ME1: variants seen among roughly 807,000 people sequenced by gnomAD.
ME1 encodes malic enzyme 1.
Under a neutral mutation model 66.4 loss-of-function variants are expected in ME1, and 74 were observed. The ratio of observed to expected loss-of-function variants is 1.11; its 90% CI spans 0.92 to 1.35. The LOEUF (loss-of-function observed/expected upper bound fraction) is 1.35, where lower values mean the gene tolerates loss of function less well. ME1 is among the 40% of genes most tolerant of loss of function. The pLI is 0.00. For missense variants in ME1, 750 were observed against 694.1 expected (o/e 1.08, Z -0.90); for synonymous variants, 251 against 235.6 (o/e 1.07, Z -0.60).
chr6:83,368,371 T>C (rs1442078027), intron 3 of ME1, among the ~76,000 whole-genome samples: 1 of 138,394 alleles, frequency 7.2e-6, no homozygotes, highest in African/African-American at 2.5e-5. Context: ...CTTCAATTTA[T>C]AAAAAACAAA....
chr6:83,326,787 G>T (rs1165056389), intron 5 of ME1, among the ~76,000 whole-genome samples: 1 of 152,160 alleles, frequency 6.6e-6, no homozygotes, highest in Non-Finnish European at 1.5e-5. Context: ...ACTGTTGGTG[G>T]GAGTGTAAAT....
chr6:83,278,356 T>C (rs529392174), intron 6 of ME1, among the ~76,000 whole-genome samples: 89 of 152,224 alleles, frequency 5.8e-4, no homozygotes, highest in Non-Finnish European at 1.1e-3. Flanking sequence ...AGGAGCTTCA[T>C]TAGGTTTTGA....
intron 5 of ME1, among the ~76,000 whole-genome samples, chr6:83,342,551 C>G (rs1768607297): frequency 6.6e-6 from 1 of 152,116 alleles, no homozygotes; most frequent in Non-Finnish European, 1.5e-5. Context: ...AGCAGATATT[C>G]AATACTTTTT....
chr6:83,215,272 G>A (rs745422409), intron 13 of ME1, among the ~76,000 whole-genome samples: 10 of 152,170 alleles, frequency 6.6e-5, no homozygotes, highest in Non-Finnish European at 1.3e-4. Flanking sequence ...TGGCCCCCAA[G>A]GGGATACTTG....
rs188696350 is a variant in ME1 at position 83,295,455 on chromosome 6, A to T, written c.704+19855T>A. On this transcript the variant is annotated intron_variant, in intron 6 of 13. Transcript: ENST00000369705. ...GACAGAAATAAAATTCAGAATATGG[A>T]TAGGAATGAAGATCATTGAAAGTTG... 4.3e-3 allele frequency among the ~76,000 whole-genome samples: 656 copies of T among 152,334 alleles called. 2 individuals carry two copies. The highest frequency in any genetic ancestry group is 7.2e-3 in the Non-Finnish European group (491 of 68,036).
intron 12 of ME1, among the ~76,000 whole-genome samples, chr6:83,219,666 T>C (rs1790049612): frequency 6.6e-6 from 1 of 151,990 alleles, no homozygotes; most frequent in South Asian, 2.1e-4. Context: ...GCAATCTCCC[T>C]TAGCTTGGGT....
chr6:83,242,421 G>A (rs1484610848), intron 7 of ME1, among the ~76,000 whole-genome samples: 1 of 152,144 alleles, frequency 6.6e-6, no homozygotes, highest in Non-Finnish European at 1.5e-5. Context: ...ATCCTCATGT[G>A]CTACTAAATA....
intron 3 of ME1, among the ~76,000 whole-genome samples, chr6:83,396,048 A>G (rs906071911): frequency 1.3e-5 from 2 of 152,164 alleles, no homozygotes; most frequent in African/African-American, 4.8e-5. Flanking sequence ...AAAAATATCA[A>G]AAAAGCAATC....
intron 6 of ME1, among the ~76,000 whole-genome samples, chr6:83,290,283 C>G (rs1767478145): frequency 6.6e-6 from 1 of 152,160 alleles, no homozygotes; most frequent in South Asian, 2.1e-4. Flanking sequence ...AAATTTCCCT[C>G]TACACACTGC....
At chr6:83,347,234 G>C (rs566174520) in intron 4 of ME1, among the ~76,000 whole-genome samples, 1 of 152,176 alleles carries the variant, frequency 6.6e-6, no homozygotes, top group Non-Finnish European at 1.5e-5. Flanking sequence ...TTACAGGCAT[G>C]AGCCACCACC....
At position 83,327,040 on chromosome 6, in the gene ME1, C is replaced by T. The variant is rs139780762; in HGVS notation, c.601-11627G>A. On this transcript the variant is annotated intron_variant, in intron 5 of 13. Transcript: ENST00000369705. ...TTATAATTTCTTATGCCTGTCTTTA[C>T]TGCAATCTCTAAACACAAATTGTAA... Among the ~76,000 whole-genome samples, 880 of 152,308 alleles carry T rather than the reference C, an allele frequency of 5.8e-3. 8 individuals are homozygous for T. The highest frequency in any genetic ancestry group is 0.02 in the African/African-American group (841 of 41,574).
At chr6:83,429,404 T>C (rs1215427698) in intron 1 of ME1, among the ~76,000 whole-genome samples, 2 of 152,202 alleles carry the variant, frequency 1.3e-5, no homozygotes, top group African/African-American at 2.4e-5. Flanking sequence ...AAACAGGTTA[T>C]ACAACTCATG....
chr6:83,429,632 AT>A (rs1583431919), intron 1 of ME1, among the ~76,000 whole-genome samples: 1 of 152,260 alleles, frequency 6.6e-6, no homozygotes, highest in East Asian at 1.9e-4. Context: ...TTACAATTTA[AT>A]AATGCTACAT....
At chr6:83,317,967 G>A (rs1312067390) in intron 5 of ME1, among the ~76,000 whole-genome samples, 3 of 152,014 alleles carry the variant, frequency 2.0e-5, no homozygotes, top group Admixed American at 2.0e-4. Context: ...TAGATCAACG[G>A]AACAGAACAG....
intron 5 of ME1, among the ~76,000 whole-genome samples, chr6:83,341,294 G>A (rs981498851): frequency 1.3e-5 from 2 of 152,116 alleles, no homozygotes; most frequent in Non-Finnish European, 1.5e-5. Context: ...TCTTCCCTAT[G>A]CATCTCTTCT....
At chr6:83,397,549 A>G (rs1183428729) in intron 3 of ME1, among the ~76,000 whole-genome samples, 1 of 152,202 alleles carries the variant, frequency 6.6e-6, no homozygotes, top group African/African-American at 2.4e-5. Context: ...TAAATCTATT[A>G]TGGAAAACAG....
chr6:83,395,108 G>A lies in ME1; in HGVS notation c.362+3259C>T, dbSNP rs146385435. On this transcript the variant is annotated intron_variant, in intron 3 of 13. Transcript: ENST00000369705. Reference sequence around the variant, plus strand: ...TTTTGTTTTTTTGGTTTTTTTTTTTGAGATGGAGTCTCACTCTGTCACCCA... The same window carrying A: ...TTTTGTTTTTTTGGTTTTTTTTTTTAAGATGGAGTCTCACTCTGTCACCCA... Among the ~76,000 whole-genome samples the A allele has an allele frequency of 5.6e-3, 788 of 141,110 alleles. 6 individuals are homozygous for A. The highest frequency in any genetic ancestry group is 0.02 in the African/African-American group (743 of 37,688). 92.6% of individuals were successfully genotyped at this position (141,110 alleles called of 152,430 possible). A position where few individuals can be genotyped will look rare whatever the true frequency, so the allele number is the denominator to read the frequency against.
At chr6:83,391,426 C>T (rs1305416629) in intron 3 of ME1, among the ~76,000 whole-genome samples, 1 of 152,038 alleles carries the variant, frequency 6.6e-6, no homozygotes. Flanking sequence ...CCATTATTAC[C>T]CTCCTAATCT....
At chr6:83,288,030 G>C (rs927451130) in intron 6 of ME1, among the ~76,000 whole-genome samples, 2 of 152,124 alleles carry the variant, frequency 1.3e-5, no homozygotes, top group Non-Finnish European at 2.9e-5. Context: ...ATTTGTTTAA[G>C]TTCTTTGTAG....
Sources: allele counts gnomAD v4.1 joint callset (sites outside exome capture counted in the v4.1 genomes callset), GRCh38; gene constraint gnomAD v4.1.1; transcripts MANE v1.5; gene names NCBI Gene and HGNC (gene_info 2026-07-23, HGNC 2026-07-21).